Variants in RTL4 observed in about 807,000 individuals in gnomAD.
RTL4 encodes the protein retrotransposon Gag like 4.
In RTL4, 4 loss-of-function variants were observed where a neutral mutation model predicts 5.3. The ratio of observed to expected loss-of-function variants is 0.75; its 90% CI spans 0.37 to 1.72. RTL4 has a LOEUF of 1.72. RTL4 is among the 40% of genes most tolerant of loss of function. The pLI is 0.04. For missense variants in RTL4, 260 were observed against 227.1 expected, an observed-to-expected ratio of 1.14 and a Z score of -0.93; for synonymous variants, 98 against 87.3, an observed-to-expected ratio of 1.12 and a Z score of -0.68.
chrX:112,205,606 TACACACACACAC>T, the RTL4 span, among the ~76,000 whole-genome samples: 4 of 107,621 alleles, frequency 3.7e-5, no homozygotes, highest in Non-Finnish European at 7.7e-5. Flanking sequence ...CGTGTGCATG[TACACACACACAC>T]ACACACACGC....
At chrX:112,183,720 G>A in the RTL4 span, among the ~76,000 whole-genome samples, 13 of 111,720 alleles carry the variant, frequency 1.2e-4, no homozygotes, top group African/African-American at 3.6e-4. Flanking sequence ...TGTAGATGGC[G>A]GGTTGATGGG....
chrX:112,400,082 T>A, the RTL4 span, among the ~76,000 whole-genome samples: 79 of 111,369 alleles, frequency 7.1e-4, no homozygotes, highest in Admixed American at 2.6e-3. Context: ...TTATTGTTCT[T>A]AGGGTTTTTG....
chrX:112,278,165 C>T, the RTL4 span, among the ~76,000 whole-genome samples: 254 of 112,228 alleles, frequency 2.3e-3, 3 homozygotes, highest in East Asian at 0.052. Flanking sequence ...ATTGTCTTAT[C>T]GGACATTCAC....
At chrX:112,260,986 T>C in the RTL4 span, among the ~76,000 whole-genome samples, 13 of 111,818 alleles carry the variant, frequency 1.2e-4, no homozygotes, top group African/African-American at 1.6e-4. Flanking sequence ...CCCCTCATCC[T>C]TGAGGATTTA....
At chrX:112,265,337 T>C in the RTL4 span, among the ~76,000 whole-genome samples, 1 of 112,358 alleles carries the variant, frequency 8.9e-6, no homozygotes, top group East Asian at 2.8e-4. Flanking sequence ...GGCATGCAGA[T>C]GTGAAGGGAT....
the RTL4 span, among the ~76,000 whole-genome samples, chrX:112,238,063 C>G: frequency 8.9e-6 from 1 of 111,877 alleles, no homozygotes; most frequent in African/African-American, 3.3e-5. Context: ...TTAAAAAATA[C>G]AGAAAAGTGC....
the RTL4 span, among the ~76,000 whole-genome samples, chrX:112,343,816 C>T: frequency 2.7e-5 from 3 of 111,513 alleles, no homozygotes; most frequent in Non-Finnish European, 5.6e-5. Flanking sequence ...TACCTTGTCC[C>T]TTTTCTTGTG....
the RTL4 span, among the ~76,000 whole-genome samples, chrX:112,412,573 T>G: frequency 9.0e-6 from 1 of 111,662 alleles, no homozygotes; most frequent in Admixed American, 9.5e-5. Context: ...AAACTCATTT[T>G]AAACAGAGGT....
the RTL4 span, among the ~76,000 whole-genome samples, chrX:112,259,676 A>G: frequency 9.0e-6 from 1 of 111,142 alleles, no homozygotes; most frequent in Non-Finnish European, 1.9e-5. Flanking sequence ...TTGTTGGAAG[A>G]TAAGACAAGC....
the RTL4 span, among the ~76,000 whole-genome samples, chrX:112,117,169 G>A: frequency 3.7e-5 from 4 of 108,690 alleles, no homozygotes; most frequent in South Asian, 1.2e-3. Flanking sequence ...CCACATAATC[G>A]TTATATGGTA....
chrX:112,378,224 T>C, the RTL4 span, among the ~76,000 whole-genome samples: 1 of 110,837 alleles, frequency 9.0e-6, no homozygotes, highest in African/African-American at 3.3e-5. Flanking sequence ...TCCTTTAGGG[T>C]TGGCTGAGGG....
the RTL4 span, among the ~76,000 whole-genome samples, chrX:112,112,447 A>AC: frequency 2.7e-5 from 3 of 111,059 alleles, no homozygotes; most frequent in Non-Finnish European, 5.7e-5. Flanking sequence ...ATTCCAAGGA[A>AC]CCCCCGCAAC....
the RTL4 span, among the ~76,000 whole-genome samples, chrX:112,329,331 C>T: frequency 9.0e-6 from 1 of 111,269 alleles, no homozygotes; most frequent in African/African-American, 3.3e-5. Flanking sequence ...GGGGATATCA[C>T]CACCGATCCC....
At chrX:112,313,607 C>CCTCTCT in the RTL4 span, among the ~76,000 whole-genome samples, 12 of 101,222 alleles carry the variant, frequency 1.2e-4, no homozygotes, top group African/African-American at 3.9e-4. Context: ...TGCTTCAGAA[C>CCTCTCT]CTCTCTCTCT....
At chrX:112,221,051 T>C in the RTL4 span, among the ~76,000 whole-genome samples, 5 of 112,094 alleles carry the variant, frequency 4.5e-5, no homozygotes, top group South Asian at 3.8e-4. Context: ...CACACTGATA[T>C]AAAGAACTGC....
At chrX:112,140,776 G>T in the RTL4 span, among the ~76,000 whole-genome samples, 1 of 111,892 alleles carries the variant, frequency 8.9e-6, no homozygotes, top group Non-Finnish European at 1.9e-5. Flanking sequence ...ATAGCAATAT[G>T]TCTGTATACT....
At chrX:112,399,654 GA>G in the RTL4 span, among the ~76,000 whole-genome samples, 1 of 111,227 alleles carries the variant, frequency 9.0e-6, no homozygotes, top group Non-Finnish European at 1.9e-5. Context: ...TAGGCGATAA[GA>G]AAAGTGTATA....
At chrX:112,416,046 T>G in the RTL4 span, among the ~76,000 whole-genome samples, 109 of 112,048 alleles carry the variant, frequency 9.7e-4, no homozygotes, top group African/African-American at 3.4e-3. Context: ...CTTCTAGTTG[T>G]TACTGGCAAT....
At chrX:112,358,772 G>A in the RTL4 span, among the ~76,000 whole-genome samples, 1 of 111,439 alleles carries the variant, frequency 9.0e-6, no homozygotes, top group Non-Finnish European at 1.9e-5. Context: ...ATTTTTTCCA[G>A]TACTTTCTGC....
Sources: gnomAD v4.1 joint callset for allele counts (sites outside exome capture counted in the v4.1 genomes callset) on GRCh38, gnomAD v4.1.1 for gene constraint, MANE v1.5 for transcripts, NCBI Gene and HGNC (gene_info 2026-07-23, HGNC 2026-07-21) for gene names.